ERICH6: variants seen among roughly 807,000 people sequenced by gnomAD.
ERICH6 encodes glutamate-rich protein 6.
A neutral mutation model predicts 71.0 loss-of-function variants in ERICH6; 71 were observed. That is an observed-to-expected ratio of 1.00 (90% CI 0.83 to 1.22). The LOEUF (loss-of-function observed/expected upper bound fraction) is 1.22, where lower values mean the gene tolerates loss of function less well. Among genes scored for constraint, ERICH6 ranks in the 50% most tolerant of loss-of-function variants. The pLI is 0.00. For synonymous variants in ERICH6, 262 were observed against 278.4 expected (o/e 0.94, Z 0.59); for missense variants, 808 against 797.2 (o/e 1.01, Z -0.16).
intron 13 of ERICH6, among the ~76,000 whole-genome samples, chr3:150,660,730 T>C (rs1319320928): frequency 2.0e-5 from 3 of 152,218 alleles, no homozygotes; most frequent in Admixed American, 2.0e-4. Flanking sequence ...GAAGCCTAAA[T>C]GGATTTGCCA....
At chr3:150,668,555 GA>G (rs1012786755) in intron 12 of ERICH6, among the ~76,000 whole-genome samples, 35 of 152,224 alleles carry the variant, frequency 2.3e-4, no homozygotes, top group African/African-American at 8.4e-4. Context: ...TGCTGTGGAC[GA>G]AAAACACAAA....
At position 150,678,525 on chromosome 3, in the gene ERICH6, G is replaced by C. The variant is rs1711751360; in HGVS notation, c.1141C>G (p.Gln381Glu). The change falls in exon 10 of 14, where the codon CAA becomes GAA. Residue 381 changes from glutamine (Q) to glutamate (E), a missense_variant. Transcript: ENST00000295910. ...TTTTCTGGAATATCCACAGAAAGTT[G>C]ATAAGAAATTGTTTTTAAGCGCTTT... ...DSKRLKTISY[Q>E]LSVDIPEKQI... 6.2e-7 allele frequency: 1 copy of C among 1,600,666 alleles called. No individual in the cohort carries two copies. The highest frequency in any genetic ancestry group is 1.3e-5 in the African/African-American group (1 of 74,096).
chr3:150,665,317 T>C (rs192050239), intron 13 of ERICH6, among the ~76,000 whole-genome samples: 1 of 152,194 alleles, frequency 6.6e-6, no homozygotes, highest in Admixed American at 6.5e-5. Flanking sequence ...TACTTAAAAG[T>C]TGAAGGCACT....
intron 3 of ERICH6, among the ~76,000 whole-genome samples, chr3:150,686,974 C>T (rs1712219441): frequency 6.6e-6 from 1 of 152,136 alleles, no homozygotes; most frequent in Admixed American, 6.5e-5. Context: ...AGTTCCAGAC[C>T]AGCCTAGCCA....
intron 10 of ERICH6, among the ~76,000 whole-genome samples, chr3:150,678,040 T>C (rs1442118359): frequency 6.6e-6 from 1 of 152,170 alleles, no homozygotes; most frequent in Non-Finnish European, 1.5e-5. Flanking sequence ...TTAATTTAAT[T>C]TAAGTCTAAA....
At chr3:150,702,821 G>GT (rs71138466) in intron 1 of ERICH6, among the ~76,000 whole-genome samples, 56,241 of 135,534 alleles carry the variant, frequency 0.41, 11,989 homozygotes, top group Non-Finnish European at 0.47. Context: ...AAAGAGAGTT[G>GT]TTTTTTTTTT....
intron 11 of ERICH6, among the ~76,000 whole-genome samples, chr3:150,669,924 T>G (rs1457601403): frequency 6.6e-6 from 1 of 152,166 alleles, no homozygotes; most frequent in Non-Finnish European, 1.5e-5. Flanking sequence ...CTGGGCATGG[T>G]GGCTCATGCC....
chr3:150,702,602 A>G (rs9841228), intron 1 of ERICH6, among the ~76,000 whole-genome samples: 123,592 of 152,020 alleles, frequency 0.81, 50,466 homozygotes, highest in East Asian at 0.94. Flanking sequence ...CATCGCAAGG[A>G]TGTGTGCTTC....
chr3:150,686,146 T>C, intron 4 of ERICH6, 125 bp from the exon 5 acceptor site: 1 of 1,188,996 alleles, frequency 8.4e-7, no homozygotes. Flanking sequence ...ACTGTTCAGA[T>C]GCCCTGATCC....
intron 10 of ERICH6, among the ~76,000 whole-genome samples, chr3:150,676,998 G>A (rs575712088): frequency 2.0e-5 from 3 of 152,044 alleles, no homozygotes; most frequent in Non-Finnish European, 1.5e-5. Context: ...TTTTAGTAGA[G>A]ATGGGATTTC....
chr3:150,673,938 C>T lies in ERICH6; in HGVS notation c.1343+18G>A. On this transcript the variant is annotated intron_variant, in intron 11 of 13. Transcript: ENST00000295910. ...GAAGTAATAAAGCTAATAAAAATAACTTGTTGAAAGAGGATACAATATTTG... is the reference window on the plus strand; with the variant it reads ...GAAGTAATAAAGCTAATAAAAATAATTTGTTGAAAGAGGATACAATATTTG... The T allele has an allele frequency of 2.5e-6, 4 of 1,607,616 alleles. No individual in the cohort carries two copies. Among genetic ancestry groups the T allele is most frequent in the Non-Finnish European group, 3.4e-6 (4 of 1,176,426 alleles).
intron 3 of ERICH6, among the ~76,000 whole-genome samples, chr3:150,687,660 T>C (rs565964343): frequency 6.6e-6 from 1 of 152,244 alleles, no homozygotes; most frequent in Middle Eastern, 3.4e-3. Flanking sequence ...TTTGAGTAAA[T>C]GTCTAGAAGC....
In ERICH6 at chr3:150,685,979, A is replaced by G; in HGVS notation, c.653T>C (p.Leu218Ser). The G allele has an allele frequency of 6.2e-7, 1 of 1,603,866 alleles. No individual in the cohort carries two copies. The highest frequency in any genetic ancestry group is 8.5e-7 in the Non-Finnish European group (1 of 1,170,612). ...INPEESKLNI[L>S]YELEFKEDFI... is the part of the protein sequence containing the mutation. ...AACATTTCTTACCTCCAGCTCATAT[A>G]AAATATTTAGTTTCGACTCTTCTGG... The change falls in exon 5 of 14, where the codon TTA becomes TCA. Residue 218 changes from leucine (L) to serine (S), a missense_variant. Coordinates refer to ENST00000295910, the MANE Select transcript of ERICH6 (RefSeq NM_152394.5).
At chr3:150,669,820 A>G (rs1711497477) in intron 11 of ERICH6, among the ~76,000 whole-genome samples, 1 of 152,234 alleles carries the variant, frequency 6.6e-6, no homozygotes, top group South Asian at 2.1e-4. Flanking sequence ...GACAAGTTTC[A>G]GCCCTCTTAA....
Position 150,678,486 on chromosome 3 carries a change from C to A in ERICH6, c.1180G>T (p.Asp394Tyr). ...VDIPEKQIID[D>Y]IVFDFQLRNS... ...CTTAGTTGAAAATCAAATACAATGTCATCAATTATCTGTTTTTCTGGAATA... is the reference window on the plus strand; with the variant it reads ...CTTAGTTGAAAATCAAATACAATGTAATCAATTATCTGTTTTTCTGGAATA... The change falls in exon 10 of 14, where the codon GAC becomes TAC. Residue 394 changes from aspartate to tyrosine, a missense_variant. Coordinates refer to ENST00000295910, the MANE Select transcript of ERICH6 (RefSeq NM_152394.5). 1 of 1,602,746 alleles carries A rather than the reference C, an allele frequency of 6.2e-7. No individual in the cohort carries two copies. The highest frequency in any genetic ancestry group is 1.3e-5 in the African/African-American group (1 of 74,396).
chr3:150,703,527 TGCGCTCGGCGTTTCAGTGCTGGTC>T lies in ERICH6; in HGVS notation c.348_371del (p.Thr117_Ala124del), dbSNP rs1713021548. 6.2e-7 allele frequency: 1 copy of T among 1,609,242 alleles called. No homozygotes were observed. The highest frequency in any genetic ancestry group is 1.1e-5 in the South Asian group (1 of 90,890). ...GCGAGGAGGTGCTGGAGGGTGGGCT[TGCGCTCGGCGTTTCAGTGCTGGTC>T]GCGCTCTGGCTGGGCACGAACGTAG... On this transcript the variant is annotated inframe_deletion, in exon 1 of 14. Coordinates refer to ENST00000295910, the MANE Select transcript of ERICH6 (RefSeq NM_152394.5).
rs762270129 is a variant in ERICH6 at position 150,703,735 on chromosome 3, ACCT to A, written c.161_163del (p.Glu54del). ...TTCCCCCACCAACTCCTCCTCCACC[ACCT>A]CCTCCTCCTCCTCCTCCACCTCTTC... is the stretch of plus-strand genomic sequence containing the variant. On this transcript the variant is annotated inframe_deletion, in exon 1 of 14. Transcript: ENST00000295910. The A allele has an allele frequency of 1.4e-4, 222 of 1,550,560 alleles. No homozygotes were observed. Among genetic ancestry groups the A allele is most frequent in the African/African-American group, 3.0e-4 (19 of 63,124 alleles).
chr3:150,700,163 C>T (rs1009381132), intron 2 of ERICH6, among the ~76,000 whole-genome samples: 1 of 151,574 alleles, frequency 6.6e-6, no homozygotes, highest in Non-Finnish European at 1.5e-5. Flanking sequence ...CAAGCACTTC[C>T]TCCAAGGTTC....
At chr3:150,661,857 G>T (rs1238428000) in intron 13 of ERICH6, among the ~76,000 whole-genome samples, 1 of 151,910 alleles carries the variant, frequency 6.6e-6, no homozygotes, top group Admixed American at 6.6e-5. Context: ...CTCCAGCCTG[G>T]GTGACAGAGC....
Sources: gnomAD v4.1 joint callset for allele counts (sites outside exome capture counted in the v4.1 genomes callset) on GRCh38, gnomAD v4.1.1 for gene constraint, MANE v1.5 for transcripts, NCBI Gene and HGNC (gene_info 2026-07-23, HGNC 2026-07-21) for gene names.